The following MS4A14 variants were observed in gnomAD, a reference collection of about 807,000 sequenced individuals.
MS4A14 encodes the protein membrane spanning 4-domains A14, also known as membrane-spanning 4-domains subfamily A member 14.
In MS4A14, 18 loss-of-function variants were observed where a neutral mutation model predicts 16.7. The observed-to-expected ratio is 1.08, with a 90% CI of 0.75 to 1.60. The LOEUF is 1.60. MS4A14 is among the 40% of genes most tolerant of loss of function. The pLI is 0.00. For synonymous variants in MS4A14, 305 were observed against 289.4 expected (o/e 1.05, Z -0.55); for missense variants, 812 against 775.3 (o/e 1.05, Z -0.56).
intron 2 of MS4A14, among the ~76,000 whole-genome samples, chr11:60,400,006 A>G (rs2085687146): frequency 6.6e-6 from 1 of 152,150 alleles, no homozygotes; most frequent in African/African-American, 2.4e-5. Context: ...ACTAGATATC[A>G]GTCCCCATAT....
intron 4 of MS4A14, chr11:60,405,973 A>G (rs976544217): frequency 4.6e-6 from 7 of 1,525,000 alleles, no homozygotes; most frequent in Non-Finnish European, 6.1e-6. Context: ...CAAGTGCTGG[A>G]CACAGTCAGA....
intron 4 of MS4A14, among the ~76,000 whole-genome samples, chr11:60,411,774 T>G (rs1203654666): frequency 6.6e-6 from 1 of 152,186 alleles, no homozygotes; most frequent in Non-Finnish European, 1.5e-5. Context: ...TATTTTCTAA[T>G]AGCTCTAGCT....
In MS4A14 at chr11:60,416,679, G is replaced by T; in HGVS notation, c.1711G>T (p.Ala571Ser). 2 of 1,613,856 alleles carry T rather than the reference G, an allele frequency of 1.2e-6. No individual in the cohort carries two copies. Among genetic ancestry groups the T allele is most frequent in the Non-Finnish European group, 1.7e-6 (2 of 1,179,976 alleles). ...LPDQQAEDQQ[A>S]KGEQYPEGQS... ...AGATCAGCAAGCTGAAGATCAGCAA[G>T]CCAAAGGGGAACAATACCCAGAAGG... is the stretch of plus-strand genomic sequence containing the variant. Residue 571 changes from alanine (A) to serine (S), a missense_variant, in exon 5 of 5, where the codon GCC becomes TCC. Physicochemically the swap from Ala to Ser is moderately conservative, Grantham distance 99. Coordinates refer to ENST00000300187, the MANE Select transcript of MS4A14 (RefSeq NM_032597.5).
intron 3 of MS4A14, 25 bp from the exon 4 acceptor site, chr11:60,402,887 T>A: frequency 6.3e-7 from 1 of 1,599,032 alleles, no homozygotes; most frequent in Non-Finnish European, 8.5e-7. Context: ...CTTATTTATT[T>A]TATCATTTTT....
At chr11:60,407,006 CTTTTTTTTTTTTTTTT>C (rs71036579) in intron 4 of MS4A14, among the ~76,000 whole-genome samples, 27 of 74,592 alleles carry the variant, frequency 3.6e-4, no homozygotes, top group Non-Finnish European at 5.3e-4. Flanking sequence ...ATCAATTTAC[CTTTTTTTTTTTTTTTT>C]TTTTTTTTTT....
In MS4A14 at chr11:60,400,350, G is replaced by A. The variant is rs137891599; in HGVS notation, c.268-54G>A. The A allele has an allele frequency of 2.5e-5, 31 of 1,243,290 alleles. No individual in the cohort carries two copies. The African/African-American group carries it at 4.4e-4, about 17-fold the overall frequency. 77.0% of individuals were successfully genotyped at this position (1,243,290 alleles called of 1,614,324 possible). A position where few individuals can be genotyped will look rare whatever the true frequency, so the allele number is the denominator to read the frequency against. On this transcript the variant is annotated intron_variant, in intron 2 of 4. Transcript: ENST00000300187. Reference sequence around the variant, plus strand: ...TTGCAAATCCAAGGGAAATTATACTGCAAGGTGGTCAAACACATCACCTGT... The same window carrying A: ...TTGCAAATCCAAGGGAAATTATACTACAAGGTGGTCAAACACATCACCTGT...
At chr11:60,404,041 C>G (rs1317214537) in intron 4 of MS4A14, among the ~76,000 whole-genome samples, 1 of 152,176 alleles carries the variant, frequency 6.6e-6, no homozygotes, top group Non-Finnish European at 1.5e-5. Context: ...AGCGATAAAA[C>G]CCTGTCCTAA....
chr11:60,409,930 C>T (rs1262902670), intron 4 of MS4A14, among the ~76,000 whole-genome samples: 1 of 150,926 alleles, frequency 6.6e-6, no homozygotes, highest in Non-Finnish European at 1.5e-5. Flanking sequence ...CTCACTGCAG[C>T]CTCAAACTCC....
At chr11:60,409,075 A>G (rs1010420618) in intron 4 of MS4A14, among the ~76,000 whole-genome samples, 27 of 152,114 alleles carry the variant, frequency 1.8e-4, no homozygotes, top group African/African-American at 5.1e-4. Context: ...GCTTCAATGC[A>G]TGTTACATTT....
chr11:60,398,736 T>G (rs983794057), intron 2 of MS4A14, among the ~76,000 whole-genome samples: 3 of 152,258 alleles, frequency 2.0e-5, no homozygotes, highest in African/African-American at 7.2e-5. Flanking sequence ...TATCTCTGAC[T>G]ATTAAAAATC....
intron 2 of MS4A14, among the ~76,000 whole-genome samples, chr11:60,399,777 G>A (rs2085683228): frequency 6.6e-6 from 1 of 152,048 alleles, no homozygotes; most frequent in South Asian, 2.1e-4. Context: ...GCGGAGGGAG[G>A]TATCAAAGGT....
chr11:60,411,034 C>G (rs143837385), intron 4 of MS4A14, among the ~76,000 whole-genome samples: 1 of 151,958 alleles, frequency 6.6e-6, no homozygotes, highest in Non-Finnish European at 1.5e-5. Flanking sequence ...TTAGTAGAGA[C>G]GAGGTTTCAC....
intron 4 of MS4A14, among the ~76,000 whole-genome samples, chr11:60,414,864 T>C (rs2085915751): frequency 6.6e-6 from 1 of 152,138 alleles, no homozygotes; most frequent in Non-Finnish European, 1.5e-5. Context: ...CCTACTCAGC[T>C]GTTAAGATAT....
In MS4A14 at chr11:60,416,586, T is replaced by C. The variant is rs1747537449; in HGVS notation, c.1618T>C (p.Trp540Arg). The C allele has an allele frequency of 3.7e-6, 6 of 1,613,732 alleles. No individual in the cohort carries two copies. Among genetic ancestry groups the C allele is most frequent in the Non-Finnish European group, 3.4e-6 (4 of 1,179,938 alleles). Residue 540 changes from tryptophan (W) to arginine (R), a missense_variant, in exon 5 of 5, where the codon TGG (tryptophan) becomes CGG (arginine). Trp to Arg is a moderately radical substitution (Grantham distance 101, BLOSUM62 -3). Transcript: ENST00000300187. ...QKSLDQQIKDWLSPKRHSVDK... is the reference protein window; with the variant it reads ...QKSLDQQIKDRLSPKRHSVDK... ...ATCCTTAGACCAGCAAATCAAAGACTGGCTATCCCCAAAGAGGCACTCCGT... is the reference window on the plus strand; with the variant it reads ...ATCCTTAGACCAGCAAATCAAAGACCGGCTATCCCCAAAGAGGCACTCCGT...
chr11:60,405,594 A>G (rs966811199), intron 4 of MS4A14, among the ~76,000 whole-genome samples: 3 of 152,248 alleles, frequency 2.0e-5, no homozygotes, highest in Non-Finnish European at 4.4e-5. Context: ...ATGTTCCCAC[A>G]TGACAGCAAT....
In MS4A14 at chr11:60,417,150, C is replaced by A. The variant is rs1385477373; in HGVS notation, c.*142C>A. The A allele has an allele frequency of 6.3e-6, 6 of 950,350 alleles. No individual in the cohort carries two copies. In the African/African-American group the frequency reaches 1.0e-4, roughly 16 times the overall value. 58.9% of individuals were successfully genotyped at this position (950,350 alleles called of 1,614,324 possible). ...GAAGTCCAAACCCAGCACGCAACAG[C>A]CCAACATAACCTAGAATGTCAAGAC... On this transcript the variant is annotated 3_prime_UTR_variant, in exon 5 of 5. Transcript: ENST00000300187.
At chr11:60,396,891 A>G (rs1329768512) in intron 1 of MS4A14, among the ~76,000 whole-genome samples, 175 bp downstream of exon 1, 2 of 152,216 alleles carry the variant, frequency 1.3e-5, no homozygotes, top group East Asian at 3.8e-4. Context: ...CAGAGGGGGA[A>G]GCAAGAAACT....
chr11:60,407,006 CTTTTTTTTTTT>C (rs71036579), intron 4 of MS4A14, among the ~76,000 whole-genome samples: 1 of 74,592 alleles, frequency 1.3e-5, no homozygotes, highest in Non-Finnish European at 2.4e-5. Context: ...ATCAATTTAC[CTTTTTTTTTTT>C]TTTTTTTTTT....
Position 60,416,219 on chromosome 11 carries a change from T to C in MS4A14, c.1251T>C (p.Pro417=). ...SQALSAHAIL[P]EASTSHIVQF... The stretch of plus-strand genomic sequence containing the variant: ...CTCTATCAGCGCATGCCATATTACC[T>C]GAAGCCTCAACATCCCATATTGTGC... The change falls in exon 5 of 5, where the codon CCT becomes CCC. Residue 417 remains proline (P), a synonymous_variant. Coordinates refer to ENST00000300187, the MANE Select transcript of MS4A14 (RefSeq NM_032597.5). The C allele has an allele frequency of 6.2e-7, 1 of 1,613,936 alleles. No individual in the cohort carries two copies. The highest frequency in any genetic ancestry group is 8.5e-7 in the Non-Finnish European group (1 of 1,179,942).
Sources: gnomAD v4.1 joint callset for allele counts (sites outside exome capture counted in the v4.1 genomes callset) on GRCh38, gnomAD v4.1.1 for gene constraint, MANE v1.5 for transcripts, NCBI Gene and HGNC (gene_info 2026-07-23, HGNC 2026-07-21) for gene names.